NBPF10: variants seen among roughly 807,000 people sequenced by gnomAD.
The protein encoded by NBPF10 is NBPF family member NBPF10.
NBPF10 carries 63 observed loss-of-function variants against 77.9 expected under a neutral mutation model. The observed-to-expected ratio is 0.81, with a 90% CI of 0.66 to 1.00. The LOEUF (loss-of-function observed/expected upper bound fraction) is 1.00. Ranked by LOEUF, NBPF10 falls within the 50% of genes least tolerant of loss-of-function variation. NBPF10 has a pLI of 0.00. For synonymous variants in NBPF10, 146 were observed against 264.5 expected (o/e 0.55, Z 4.35); for missense variants, 522 against 679.8 (o/e 0.77, Z 2.58).
intron 14 of NBPF10, among the ~76,000 whole-genome samples, chr1:146,125,969 T>A (rs1658565706): frequency 6.6e-6 from 1 of 151,618 alleles, no homozygotes; most frequent in Non-Finnish European, 1.5e-5. Context: ...TGTGTGAATT[T>A]GTCATATCTG....
In NBPF10 at chr1:146,129,415, T is replaced by C. The variant is rs1247322297; in HGVS notation, c.1638-1133A>G. Among the ~76,000 whole-genome samples, 4 of 139,018 alleles carry C rather than the reference T, an allele frequency of 2.9e-5. No homozygotes were observed. The East Asian group carries it at 8.1e-4, about 28-fold the overall frequency. The allele number at this position is 139,018 out of a possible 152,430, so 91.2% of individuals were successfully genotyped here. ...TATCAGTGATTCAAGATCAAATTAGTGAAATGAAGCAAGAAGAGAAGTTTA... is the reference window on the plus strand; with the variant it reads ...TATCAGTGATTCAAGATCAAATTAGCGAAATGAAGCAAGAAGAGAAGTTTA... On this transcript the variant is annotated intron_variant, in intron 11 of 89. Transcript: ENST00000583866.
intron 13 of NBPF10, among the ~76,000 whole-genome samples, chr1:146,126,616 C>T (rs1479009247): frequency 1.4e-5 from 2 of 141,444 alleles, no homozygotes; most frequent in Admixed American, 1.4e-4. Context: ...CACACACACA[C>T]ACACACACAC....
intron 4 of NBPF10, 52 bp downstream of exon 4, chr1:146,140,432 G>T: frequency 1.6e-6 from 1 of 612,772 alleles, no homozygotes; most frequent in Non-Finnish European, 2.8e-6. Flanking sequence ...GTGCCTCCTA[G>T]ACATTTTCAT....
chr1:146,134,150 A>C lies in NBPF10; in HGVS notation c.1379+43T>G, dbSNP rs782477036. 1.0e-5 allele frequency: 14 copies of C among 1,400,658 alleles called. 3 individuals are homozygous for C. 86.8% of individuals were successfully genotyped at this position (1,400,658 alleles called of 1,614,324 possible). A position where few individuals can be genotyped will look rare whatever the true frequency, so the allele number is the denominator to read the frequency against. On this transcript the variant is annotated intron_variant, in intron 9 of 89. Transcript: ENST00000583866. ...AGGGTGTGCCTCCTAGATATTCCTC[A>C]TATGTTACCATCCATTAATTGTTCC...
At chr1:146,125,997 G>A (rs1272920100) in intron 14 of NBPF10, among the ~76,000 whole-genome samples, 1 of 151,728 alleles carries the variant, frequency 6.6e-6, no homozygotes, top group African/African-American at 2.4e-5. Flanking sequence ...CCAACATCTT[G>A]AGAGTAGGAT....
exon 9 of NBPF10, chr1:146,134,196 G>C (rs1553793986): frequency 7.3e-7 from 1 of 1,377,862 alleles, no homozygotes; most frequent in Non-Finnish European, 9.9e-7. Context: ...GTGTTACCTG[G>C]GGGCAGATGA....
intron 88 of NBPF10, 104 bp downstream of exon 88, chr1:146,067,899 G>C (rs781937945): frequency 1.4e-6 from 1 of 701,576 alleles, no homozygotes; most frequent in African/African-American, 1.8e-5. Context: ...TCCTGCCTGC[G>C]GCAATGACGT....
chr1:146,132,915 A>C (rs1396180460), intron 10 of NBPF10, among the ~76,000 whole-genome samples: 1 of 22,338 alleles, frequency 4.5e-5, no homozygotes, highest in African/African-American at 9.5e-5. Context: ...CTCCATTGCA[A>C]AAAAAAAAAA....
chr1:146,128,950 T>G (rs1659019968), intron 11 of NBPF10, among the ~76,000 whole-genome samples: 1 of 150,964 alleles, frequency 6.6e-6, no homozygotes. Flanking sequence ...AGCATCAACA[T>G]CAACAAAAAA....
At chr1:146,136,248 G>T (rs1350109039) in intron 7 of NBPF10, 105 bp downstream of exon 7, 14 of 875,670 alleles carry the variant, frequency 1.6e-5, no homozygotes, top group Non-Finnish European at 2.6e-5. Context: ...GGCAATTCCT[G>T]CCCTTCCCCT....
intron 14 of NBPF10, among the ~76,000 whole-genome samples, chr1:146,125,987 C>T (rs77534456): frequency 4.6e-5 from 7 of 151,750 alleles, no homozygotes; most frequent in East Asian, 3.9e-4. Context: ...CTGCCCAGAT[C>T]CAACATCTTG....
chr1:146,136,235 C>T, intron 7 of NBPF10, 118 bp downstream of exon 7: 2 of 845,052 alleles, frequency 2.4e-6, no homozygotes, highest in Non-Finnish European at 3.9e-6. Context: ...GCGAGCCTGC[C>T]ATGGCAATTC....
In NBPF10 at chr1:146,141,817, G is replaced by A. The variant is rs782710861; in HGVS notation, c.280C>T (p.Gln94Ter). ...TGAGAGTGAACTAGGACTTTATATTGCCTAAGGTGAGACGGTAGAGAAAAT... is the reference window on the plus strand; with the variant it reads ...TGAGAGTGAACTAGGACTTTATATTACCTAAGGTGAGACGGTAGAGAAAAT... The change falls in exon 3 of 90, where the codon CAA becomes TAA. Residue 94 changes from glutamine to a stop codon, truncating the protein, a stop_gained and splice_region_variant. Coordinates refer to ENST00000583866, the Ensembl canonical transcript of NBPF10. LOFTEE classifies it high-confidence loss of function. The A allele has an allele frequency of 4.5e-6, 6 of 1,343,838 alleles. No homozygotes were observed. Among genetic ancestry groups the A allele is most frequent in the Non-Finnish European group, 5.1e-6 (5 of 971,398 alleles). The allele number at this position is 1,343,838 out of a possible 1,614,324, so 83.2% of individuals were successfully genotyped here.
intron 13 of NBPF10, among the ~76,000 whole-genome samples, chr1:146,126,643 C>G (rs28640909): frequency 2.5e-5 from 3 of 119,010 alleles, no homozygotes; most frequent in Non-Finnish European, 1.9e-5. Flanking sequence ...ACAGAGCGAG[C>G]TCAGTCAATT....
At chr1:146,139,423 G>A (rs1465912587) in intron 5 of NBPF10, among the ~76,000 whole-genome samples, 2 of 151,346 alleles carry the variant, frequency 1.3e-5, no homozygotes, top group African/African-American at 2.4e-5. Flanking sequence ...CTTATTAATA[G>A]CTAAGACAAG....
intron 15 of NBPF10, 129 bp downstream of exon 15, chr1:146,125,336 A>G: frequency 7.3e-6 from 2 of 273,762 alleles, no homozygotes; most frequent in Non-Finnish European, 1.3e-5. Context: ...ATGAAAACCA[A>G]CAGCAATGTC....
intron 80 of NBPF10, among the ~76,000 whole-genome samples, chr1:146,073,950 G>C (rs1309718605): frequency 1.0e-5 from 1 of 97,808 alleles, no homozygotes; most frequent in Admixed American, 1.1e-4. Flanking sequence ...TTAGAGTGAA[G>C]GATGAAATCT....
At chr1:146,129,905 A>G (rs1475941916) in intron 11 of NBPF10, among the ~76,000 whole-genome samples, 1 of 102,428 alleles carries the variant, frequency 9.8e-6, no homozygotes. Flanking sequence ...GTATATATAT[A>G]TATATATTTT....
intron 64 of NBPF10, 113 bp downstream of exon 64, chr1:146,086,811 C>A: frequency 2.9e-5 from 3 of 103,870 alleles, no homozygotes; most frequent in South Asian, 1.3e-4. Context: ...GCCCATAGGT[C>A]CTGCCTGCGG....
Sources: gnomAD v4.1 joint callset for allele counts (sites outside exome capture counted in the v4.1 genomes callset) on GRCh38, gnomAD v4.1.1 for gene constraint, MANE v1.5 for transcripts, NCBI Gene and HGNC (gene_info 2026-07-23, HGNC 2026-07-21) for gene names.